The following REL variants were observed in gnomAD, a reference collection of about 807,000 sequenced individuals.
REL encodes the protein REL proto-oncogene, NF-kB subunit, also known as proto-oncogene c-Rel.
Under a neutral mutation model 45.9 loss-of-function variants are expected in REL, and 15 were observed. The observed-to-expected ratio is 0.33, with a 90% CI of 0.22 to 0.50. The LOEUF is 0.50. REL is among the 20% of genes least tolerant of loss of function. The pLI is 0.98. For synonymous variants in REL, 239 were observed against 242.1 expected, an observed-to-expected ratio of 0.99 and a Z score of 0.12; for missense variants, 601 against 715.2, an observed-to-expected ratio of 0.84 and a Z score of 1.82.
At chr2:60,906,915 T>TATATATA (rs1558805877) in intron 4 of REL, among the ~76,000 whole-genome samples, 68 of 103,452 alleles carry the variant, frequency 6.6e-4, no homozygotes, top group African/African-American at 1.7e-3. Context: ...ATATATATAT[T>TATATATA]TTTTTTTTTT....
chr2:60,920,524 A>G (rs767603570), intron 8 of REL, 50 bp from the exon 9 acceptor site: 1 of 1,383,010 alleles, frequency 7.2e-7, no homozygotes, highest in East Asian at 2.3e-5. Context: ...TTAACTGATA[A>G]TGTTATTTTT....
intron 7 of REL, among the ~76,000 whole-genome samples, chr2:60,919,316 C>T (rs1674066997): frequency 6.6e-6 from 1 of 152,116 alleles, no homozygotes; most frequent in Non-Finnish European, 1.5e-5. Flanking sequence ...CTCACCAGAG[C>T]CTCAGCCTCC....
intron 3 of REL, among the ~76,000 whole-genome samples, chr2:60,897,710 C>T (rs139184566): frequency 2.6e-5 from 4 of 152,136 alleles, no homozygotes; most frequent in South Asian, 4.1e-4. Context: ...GCCTTCTCAA[C>T]ATATTCCCTT....
chr2:60,882,234 C>G (rs997206714), intron 1 of REL, among the ~76,000 whole-genome samples: 8 of 152,172 alleles, frequency 5.3e-5, no homozygotes, highest in African/African-American at 1.2e-4. Context: ...AGCTCTCTCC[C>G]CCTTTTTAGT....
In REL at chr2:60,912,371, A is replaced by G. The variant is rs1283355995; in HGVS notation, c.395-4506A>G. On this transcript the variant is annotated intron_variant, in intron 4 of 9. Coordinates refer to ENST00000394479, the MANE Select transcript of REL (RefSeq NM_001291746.2). The stretch of plus-strand genomic sequence containing the variant: ...GCGTTTTGGTCTTATAAATTTAGTG[A>G]TGTTTTTGTGACCCATAGTCTGCCG... 2.0e-5 allele frequency among the ~76,000 whole-genome samples: 3 copies of G among 152,158 alleles called. No homozygotes were observed. The East Asian group carries it at 5.8e-4, about 29-fold the overall frequency.
Position 60,920,389 on chromosome 2 carries a change from CAG to C in REL, c.923-184_923-183del, listed in dbSNP as rs746603120. The C allele has an allele frequency of 7.8e-6, 5 of 644,694 alleles. No individual in the cohort carries two copies. The highest frequency in any genetic ancestry group is 1.4e-5 in the Non-Finnish European group (5 of 356,244). The allele number at this position is 644,694 out of a possible 1,614,324, so 39.9% of individuals were successfully genotyped here. A position where few individuals can be genotyped will look rare whatever the true frequency, so the allele number is the denominator to read the frequency against. On this transcript the variant is annotated intron_variant, in intron 8 of 9. Coordinates refer to ENST00000394479, the MANE Select transcript of REL (RefSeq NM_001291746.2). ...CTAATTTTTGTATTTTTAGTAGAAACAGGGTTTCGCCATGTTGACCAGGATGG... is the reference window on the plus strand; with the variant it reads ...CTAATTTTTGTATTTTTAGTAGAAACGGTTTCGCCATGTTGACCAGGATGG...
intron 1 of REL, among the ~76,000 whole-genome samples, chr2:60,890,205 A>G (rs565058601): frequency 6.6e-6 from 1 of 152,178 alleles, no homozygotes; most frequent in African/African-American, 2.4e-5. Flanking sequence ...GCCAGTGATG[A>G]TGAGCATTTT....
chr2:60,886,744 A>G (rs1466697486), intron 1 of REL, among the ~76,000 whole-genome samples: 1 of 152,110 alleles, frequency 6.6e-6, no homozygotes, highest in Non-Finnish European at 1.5e-5. Flanking sequence ...AAACATTTCA[A>G]TGTAATTTTT....
chr2:60,889,637 C>T (rs1480566787), intron 1 of REL, among the ~76,000 whole-genome samples: 5 of 152,012 alleles, frequency 3.3e-5, no homozygotes, highest in African/African-American at 4.8e-5. Flanking sequence ...ACAACAGGCC[C>T]TGGTGTGTGA....
chr2:60,887,350 A>G (rs77403792), intron 1 of REL, among the ~76,000 whole-genome samples: 3,712 of 152,214 alleles, frequency 0.024, 141 homozygotes, highest in African/African-American at 0.084. Flanking sequence ...GAATCTAATT[A>G]AAAAATCTGA....
intron 7 of REL, among the ~76,000 whole-genome samples, chr2:60,919,669 C>G (rs1376376074): frequency 6.6e-6 from 1 of 152,116 alleles, no homozygotes; most frequent in Admixed American, 6.5e-5. Context: ...AGGTGATTCA[C>G]CCACCTCAGC....
chr2:60,923,340 A>G lies in REL; in HGVS notation c.*805A>G, dbSNP rs1163982113. ...GTTTTCTACATTTTATACTATTTCA[A>G]TCTATGCCTTTAAAGTTGCTTATGA... On this transcript the variant is annotated 3_prime_UTR_variant, in exon 10 of 10. Coordinates refer to ENST00000394479, the MANE Select transcript of REL (RefSeq NM_001291746.2). The G allele has an allele frequency of 3.5e-5, 8 of 227,266 alleles. No homozygotes were observed. Among genetic ancestry groups the G allele is most frequent in the Admixed American group, 1.7e-4 (3 of 17,548 alleles). The allele number at this position is 227,266 out of a possible 1,614,324, so 14.1% of individuals were successfully genotyped here.
At chr2:60,882,910 T>G (rs956487480) in intron 1 of REL, among the ~76,000 whole-genome samples, 12 of 152,166 alleles carry the variant, frequency 7.9e-5, no homozygotes, top group Non-Finnish European at 1.6e-4. Context: ...GGGAATAAGT[T>G]TGTAAGAAAC....
rs1674231013 is a variant in REL at position 60,924,793 on chromosome 2, T to C, written c.*2258T>C. The C allele has an allele frequency of 4.8e-6, 1 of 206,788 alleles. No individual in the cohort carries two copies. Among genetic ancestry groups the C allele is most frequent in the African/African-American group, 2.3e-5 (1 of 43,944 alleles). The allele number at this position is 206,788 out of a possible 1,614,324, so 12.8% of individuals were successfully genotyped here. ...ACATATTCATTTGGCTGGTTTCAAA[T>C]GGTGAGCTGAATGCTGGGTAATCTC... is the stretch of plus-strand genomic sequence containing the variant. On this transcript the variant is annotated 3_prime_UTR_variant, in exon 10 of 10. Transcript: ENST00000394479.
intron 5 of REL, among the ~76,000 whole-genome samples, chr2:60,917,929 T>C (rs1043912937): frequency 2.0e-5 from 3 of 152,094 alleles, no homozygotes; most frequent in African/African-American, 7.2e-5. Flanking sequence ...GTGGGTAGGA[T>C]TGATTGGCGG....
intron 4 of REL, among the ~76,000 whole-genome samples, chr2:60,906,233 A>T (rs557783434): frequency 6.6e-6 from 1 of 152,194 alleles, no homozygotes; most frequent in South Asian, 2.1e-4. Context: ...TGGGAGTACA[A>T]TTCAAGATGA....
intron 4 of REL, among the ~76,000 whole-genome samples, chr2:60,903,353 G>A (rs1415779113): frequency 6.6e-6 from 1 of 152,156 alleles, no homozygotes; most frequent in African/African-American, 2.4e-5. Flanking sequence ...GGAAGATGCT[G>A]TCTGTGGAAT....
intron 3 of REL, among the ~76,000 whole-genome samples, chr2:60,897,303 C>CTT (rs34839609): frequency 1.5e-4 from 22 of 143,802 alleles, no homozygotes; most frequent in African/African-American, 1.3e-4. Flanking sequence ...TTTCTTTTTT[C>CTT]TTTTTTTTTT....
chr2:60,884,436 C>T (rs987889869), intron 1 of REL, among the ~76,000 whole-genome samples: 6 of 151,946 alleles, frequency 3.9e-5, no homozygotes, highest in Admixed American at 1.3e-4. Flanking sequence ...AGCTGCCTTT[C>T]GTTGCTTTTT....
Sources: gnomAD v4.1 joint callset for allele counts (sites outside exome capture counted in the v4.1 genomes callset) on GRCh38, gnomAD v4.1.1 for gene constraint, MANE v1.5 for transcripts, NCBI Gene and HGNC (gene_info 2026-07-23, HGNC 2026-07-21) for gene names.